The following MYO16 variants were observed in gnomAD, a reference collection of about 807,000 sequenced individuals.
MYO16 encodes the protein unconventional myosin-XVI.
A neutral mutation model predicts 205.3 loss-of-function variants in MYO16; 94 were observed. That is an observed-to-expected ratio of 0.46 (90% CI 0.39 to 0.54). The LOEUF is 0.54. Ranked by LOEUF, MYO16 falls within the 20% of genes least tolerant of loss-of-function variation. MYO16 has a pLI of 0.00. For missense variants in MYO16, 2,315 were observed against 2,387.5 expected (o/e 0.97, Z 0.63); for synonymous variants, 988 against 954.0 (o/e 1.04, Z -0.66).
intron 34 of MYO16, among the ~76,000 whole-genome samples, chr13:109,196,268 T>TA (rs746832919): frequency 3.3e-5 from 5 of 152,190 alleles, no homozygotes; most frequent in Non-Finnish European, 5.9e-5. Context: ...AATAACAGAA[T>TA]AAAATCATTT....
At chr13:108,638,746 C>A (rs1002561247) in intron 1 of MYO16, among the ~76,000 whole-genome samples, 1 of 152,036 alleles carries the variant, frequency 6.6e-6, no homozygotes, top group African/African-American at 2.4e-5. Context: ...ACAAGAAATT[C>A]ACAATCGAGG....
intron 25 of MYO16, among the ~76,000 whole-genome samples, chr13:109,052,886 G>A (rs989974465): frequency 5.3e-5 from 8 of 152,092 alleles, no homozygotes; most frequent in South Asian, 2.1e-4. Flanking sequence ...TCTTATAGAC[G>A]TAGGGTGTTG....
chr13:108,500,497 G>A, the MYO16 span, among the ~76,000 whole-genome samples: 1 of 151,552 alleles, frequency 6.6e-6, no homozygotes, highest in East Asian at 1.9e-4. Context: ...CAAAGTGCTG[G>A]GATTACAAGC....
chr13:108,957,838 C>T (rs1293772292), intron 17 of MYO16, 39 bp downstream of exon 17: 2 of 1,443,908 alleles, frequency 1.4e-6, no homozygotes, highest in South Asian at 1.2e-5. Flanking sequence ...GAAAATCAAC[C>T]TTCTACTAAT....
chr13:108,710,945 T>C (rs1339577466), intron 2 of MYO16, among the ~76,000 whole-genome samples: 2 of 152,250 alleles, frequency 1.3e-5, no homozygotes, highest in Non-Finnish European at 2.9e-5. Flanking sequence ...AAAAGTGCTG[T>C]CTATCATCTG....
the MYO16 span, among the ~76,000 whole-genome samples, chr13:108,510,766 T>G: frequency 1.2e-4 from 1 of 8,266 alleles, no homozygotes; most frequent in Non-Finnish European, 2.4e-4. Flanking sequence ...GAATGATGGT[T>G]TCCAATTTCA....
chr13:109,191,977 T>C (rs1290008591), intron 34 of MYO16, among the ~76,000 whole-genome samples: 1 of 152,210 alleles, frequency 6.6e-6, no homozygotes, highest in East Asian at 1.9e-4. Context: ...CCAGGGAATC[T>C]GGACCCCATA....
intron 16 of MYO16, among the ~76,000 whole-genome samples, chr13:108,942,307 C>T (rs1017141025): frequency 6.6e-6 from 1 of 152,166 alleles, no homozygotes; most frequent in African/African-American, 2.4e-5. Context: ...TCTAAATGGA[C>T]TTCCCTTAGA....
At position 108,972,351 on chromosome 13, in the gene MYO16, C is replaced by CATATAT. The variant is rs869041443; in HGVS notation, c.2369+7491_2369+7496dup. Reference sequence around the variant, plus strand: ...CCATCTATATATATATATATATAGCCATATATATATATATATATATATATA... The same window carrying CATATAT: ...CCATCTATATATATATATATATAGCCATATATATATATATATATATATATATATATA... On this transcript the variant is annotated intron_variant, in intron 20 of 34. Transcript: ENST00000457511. 9.7e-4 allele frequency among the ~76,000 whole-genome samples: 17 copies of CATATAT among 17,454 alleles called. 1 individual carries two copies. Among genetic ancestry groups the CATATAT allele is most frequent in the Non-Finnish European group, 1.3e-3 (12 of 8,990 alleles). The allele number at this position is 17,454 out of a possible 152,430, so 11.5% of individuals were successfully genotyped here.
chr13:108,913,521 A>G (rs1881358262), intron 16 of MYO16, among the ~76,000 whole-genome samples: 1 of 152,230 alleles, frequency 6.6e-6, no homozygotes, highest in Non-Finnish European at 1.5e-5. Flanking sequence ...ATTAAGTTCC[A>G]TAGTTTTGGA....
chr13:108,818,062 A>G (rs1309157174), intron 7 of MYO16, among the ~76,000 whole-genome samples: 10 of 152,148 alleles, frequency 6.6e-5, no homozygotes, highest in Admixed American at 5.9e-4. Context: ...TTGAAAAATA[A>G]TGTTACAACT....
chr13:108,871,522 G>A (rs1421656128), intron 12 of MYO16, among the ~76,000 whole-genome samples: 2 of 152,082 alleles, frequency 1.3e-5, no homozygotes, highest in African/African-American at 4.8e-5. Flanking sequence ...CACATAAGTT[G>A]TAGACAAACC....
At chr13:108,966,328 G>A (rs1883792703) in intron 20 of MYO16, among the ~76,000 whole-genome samples, 1 of 152,156 alleles carries the variant, frequency 6.6e-6, no homozygotes, top group Admixed American at 6.5e-5. Context: ...CTCTGCTGAA[G>A]TTGACACTGA....
chr13:108,885,678 A>G (rs1476976950), intron 13 of MYO16, among the ~76,000 whole-genome samples: 1 of 152,184 alleles, frequency 6.6e-6, no homozygotes, highest in African/African-American at 2.4e-5. Context: ...GATTATTTCT[A>G]TGTATTATTT....
At chr13:109,124,470 G>A (rs1876143171) in intron 29 of MYO16, among the ~76,000 whole-genome samples, 1 of 152,166 alleles carries the variant, frequency 6.6e-6, no homozygotes, top group African/African-American at 2.4e-5. Context: ...TCTTACAGAG[G>A]TCCCTTTAAA....
At chr13:108,729,916 A>C (rs973308193) in intron 4 of MYO16, among the ~76,000 whole-genome samples, 14 of 152,238 alleles carry the variant, frequency 9.2e-5, no homozygotes, top group Admixed American at 3.3e-4. Flanking sequence ...TATTGCAGGA[A>C]CAGCCCTGAA....
At chr13:108,662,114 G>T (rs1172825114) in intron 1 of MYO16, among the ~76,000 whole-genome samples, 1 of 152,212 alleles carries the variant, frequency 6.6e-6, no homozygotes, top group Non-Finnish European at 1.5e-5. Context: ...GGGGTTGTCT[G>T]CACAGAGTCC....
intron 20 of MYO16, among the ~76,000 whole-genome samples, chr13:108,985,128 C>A (rs1378254665): frequency 6.6e-6 from 1 of 152,152 alleles, no homozygotes; most frequent in South Asian, 2.1e-4. Flanking sequence ...GTAGATATAA[C>A]CACTCTGTGT....
chr13:108,785,522 T>A (rs1262631135), intron 4 of MYO16, 113 bp from the exon 5 acceptor site: 2 of 527,434 alleles, frequency 3.8e-6, no homozygotes, highest in Non-Finnish European at 6.5e-6. Context: ...CAGGGTGATA[T>A]CTACCGTAGA....
Sources: allele counts gnomAD v4.1 joint callset (sites outside exome capture counted in the v4.1 genomes callset), GRCh38; gene constraint gnomAD v4.1.1; transcripts MANE v1.5; gene names NCBI Gene and HGNC (gene_info 2026-07-23, HGNC 2026-07-21).